PDS5A: variants seen among roughly 807,000 people sequenced by gnomAD.
PDS5A encodes the protein sister chromatid cohesion protein PDS5 homolog A.
In PDS5A, 42 loss-of-function variants were observed where a neutral mutation model predicts 167.1. The observed-to-expected ratio is 0.25, with a 90% CI of 0.20 to 0.33. The LOEUF is 0.33. PDS5A is among the 10% of genes least tolerant of loss of function. The probability of loss-of-function intolerance (pLI) is 1.00; values close to 1 mark genes in which losing one functional copy is unlikely to be tolerated. For missense variants in PDS5A, 1,033 were observed against 1,605.9 expected, an observed-to-expected ratio of 0.64 and a Z score of 6.10; for synonymous variants, 553 against 554.6, an observed-to-expected ratio of 1.00 and a Z score of 0.04.
intron 16 of PDS5A, among the ~76,000 whole-genome samples, chr4:39,895,265 A>C (rs558620892): frequency 6.6e-6 from 1 of 151,844 alleles, no homozygotes; most frequent in Non-Finnish European, 1.5e-5. Context: ...TGAACATTAG[A>C]GTGCACGCAC....
chr4:39,951,272 C>T (rs1728325414), intron 2 of PDS5A, among the ~76,000 whole-genome samples: 1 of 152,146 alleles, frequency 6.6e-6, no homozygotes, highest in Non-Finnish European at 1.5e-5. Flanking sequence ...GCAATATAAT[C>T]TTGTAAGATT....
At chr4:39,894,465 T>G (rs1354400840) in intron 16 of PDS5A, among the ~76,000 whole-genome samples, 1 of 151,984 alleles carries the variant, frequency 6.6e-6, no homozygotes, top group Non-Finnish European at 1.5e-5. Flanking sequence ...GTGCAAAGGT[T>G]GAGGTTGTCT....
chr4:39,957,008 A>G (rs1728985982), intron 2 of PDS5A, among the ~76,000 whole-genome samples: 1 of 152,092 alleles, frequency 6.6e-6, no homozygotes, highest in African/African-American at 2.4e-5. Context: ...GCCAGAAACA[A>G]AGTATTCTCT....
At chr4:39,948,163 G>T (rs1321317566) in intron 2 of PDS5A, among the ~76,000 whole-genome samples, 1 of 140,734 alleles carries the variant, frequency 7.1e-6, no homozygotes, top group African/African-American at 2.7e-5. Context: ...GAGGCAGCAG[G>T]ATTCCTTAAG....
At chr4:39,895,967 G>C (rs1422613585) in intron 16 of PDS5A, among the ~76,000 whole-genome samples, 1 of 150,566 alleles carries the variant, frequency 6.6e-6, no homozygotes, top group African/African-American at 2.4e-5. Context: ...CTCATGATCT[G>C]CCAACCTCGG....
chr4:39,849,450 A>AAC (rs1373034067), intron 27 of PDS5A, 70 bp downstream of exon 27: 2 of 1,139,498 alleles, frequency 1.8e-6, no homozygotes, highest in Non-Finnish European at 2.5e-6. Flanking sequence ...AAAAAAAAAA[A>AAC]AAAAAACCAA....
intron 9 of PDS5A, among the ~76,000 whole-genome samples, chr4:39,911,117 G>A (rs1456658171): frequency 6.6e-6 from 1 of 152,140 alleles, no homozygotes; most frequent in South Asian, 2.1e-4. Flanking sequence ...CTGGGTAACA[G>A]ACCCTGTCTC....
chr4:39,951,759 GC>G (rs1365306242), intron 2 of PDS5A, among the ~76,000 whole-genome samples: 1 of 151,998 alleles, frequency 6.6e-6, no homozygotes, highest in Non-Finnish European at 1.5e-5. Flanking sequence ...AATTAGCCGG[GC>G]ATGGTGGCAG....
intron 11 of PDS5A, among the ~76,000 whole-genome samples, chr4:39,905,413 C>A (rs1161144703): frequency 2.0e-5 from 3 of 151,926 alleles, no homozygotes; most frequent in Non-Finnish European, 4.4e-5. Flanking sequence ...CAAAAATTAG[C>A]CGGGCATGGT....
chr4:39,918,230 TAA>T (rs1390214743), intron 7 of PDS5A, among the ~76,000 whole-genome samples: 1 of 141,256 alleles, frequency 7.1e-6, no homozygotes, highest in Admixed American at 7.1e-5. Context: ...AGTTTAGTAA[TAA>T]AGAGTATTTA....
chr4:39,952,947 TG>T (rs1028085473), intron 2 of PDS5A, among the ~76,000 whole-genome samples: 3 of 152,154 alleles, frequency 2.0e-5, no homozygotes, highest in African/African-American at 4.8e-5. Flanking sequence ...TAGGCTGGTC[TG>T]GAACTCCTGA....
chr4:39,873,925 T>G (rs1352342519), intron 20 of PDS5A, among the ~76,000 whole-genome samples: 1 of 152,102 alleles, frequency 6.6e-6, no homozygotes, highest in African/African-American at 2.4e-5. Context: ...GTGCCTGTAC[T>G]CTCAGCTACT....
chr4:39,842,830 G>C (rs1717146908), intron 30 of PDS5A, among the ~76,000 whole-genome samples: 1 of 146,304 alleles, frequency 6.8e-6, no homozygotes, highest in Non-Finnish European at 1.5e-5. Flanking sequence ...CTAATATACT[G>C]AATACTTAAC....
chr4:39,946,147 C>A (rs981353617), intron 2 of PDS5A, among the ~76,000 whole-genome samples: 1 of 144,718 alleles, frequency 6.9e-6, no homozygotes, highest in Non-Finnish European at 1.5e-5. Context: ...GCAGAGGTTA[C>A]AGTGAGCTGA....
At chr4:39,843,936 G>C (rs1251832898) in intron 30 of PDS5A, among the ~76,000 whole-genome samples, 1 of 152,072 alleles carries the variant, frequency 6.6e-6, no homozygotes, top group African/African-American at 2.4e-5. Flanking sequence ...CTTGAGCCCA[G>C]GAGATCGAGC....
At chr4:39,921,468 G>A (rs1724955512) in intron 6 of PDS5A, among the ~76,000 whole-genome samples, 1 of 151,738 alleles carries the variant, frequency 6.6e-6, no homozygotes, top group Admixed American at 6.6e-5. Context: ...AGATGTGGTT[G>A]CTCATGCCTG....
intron 10 of PDS5A, 116 bp downstream of exon 10, chr4:39,910,128 A>C (rs574712770): frequency 1.9e-6 from 1 of 529,346 alleles, no homozygotes; most frequent in South Asian, 3.3e-5. Context: ...AACAAATGAA[A>C]ACACGAGACC....
chr4:39,902,299 T>G, intron 13 of PDS5A, 48 bp downstream of exon 13: 2 of 840,442 alleles, frequency 2.4e-6, no homozygotes, highest in Non-Finnish European at 3.9e-6. Flanking sequence ...ATGAAGTAAT[T>G]TTACGAAATC....
intron 14 of PDS5A, among the ~76,000 whole-genome samples, chr4:39,899,901 C>T (rs1722733081): frequency 1.4e-5 from 2 of 147,392 alleles, no homozygotes; most frequent in South Asian, 4.3e-4. Flanking sequence ...CCTGTTCCAG[C>T]ATCCATGTGT....
Sources: gnomAD v4.1 joint callset for allele counts (sites outside exome capture counted in the v4.1 genomes callset) on GRCh38, gnomAD v4.1.1 for gene constraint, MANE v1.5 for transcripts, NCBI Gene and HGNC (gene_info 2026-07-23, HGNC 2026-07-21) for gene names.